CALU: variants seen among roughly 807,000 people sequenced by gnomAD.
The protein encoded by CALU is IEF SSP 9302.
Under a neutral mutation model 37.5 loss-of-function variants are expected in CALU, and 13 were observed. The observed-to-expected ratio is 0.35, with a 90% CI of 0.23 to 0.55. CALU has a LOEUF of 0.55. Ranked by LOEUF, CALU falls within the 20% of genes least tolerant of loss-of-function variation. The pLI is 0.89. For synonymous variants in CALU, 114 were observed against 133.8 expected (o/e 0.85, Z 1.02); for missense variants, 282 against 391.7 (o/e 0.72, Z 2.36).
In CALU at chr7:128,757,358, AGTGTGT is replaced by A. The variant is rs10638444; in HGVS notation, c.416-1484_416-1479del. ...TCCATCTCAACCTATTATGGCTTTG[AGTGTGT>A]GTGTGTGTGTGTGTGTGTGTGTGTG... On this transcript the variant is annotated intron_variant, in intron 3 of 6. Coordinates refer to ENST00000249364, the MANE Select transcript of CALU (RefSeq NM_001219.5). 4.5e-4 allele frequency among the ~76,000 whole-genome samples: 66 copies of A among 146,180 alleles called. No individual in the cohort carries two copies. The South Asian group carries it at 6.0e-3, about 13-fold the overall frequency.
Position 128,772,396 on chromosome 7 carries a change from G to GA in CALU, c.*3234dup, listed in dbSNP as rs1029275642. On this transcript the variant is annotated 3_prime_UTR_variant, in exon 7 of 7. Coordinates refer to ENST00000249364, the MANE Select transcript of CALU (RefSeq NM_001219.5). ...GGCAAGAAGGCAATAGTAAGAAAAT[G>GA]AAAAATTGACTCCCCAAACTGCCAT... 1 of 986,350 alleles carries GA rather than the reference G, an allele frequency of 1.0e-6. No individual in the cohort carries two copies. The highest frequency in any genetic ancestry group is 1.5e-6 in the Non-Finnish European group (1 of 649,574). The allele number at this position is 986,350 out of a possible 1,614,324, so 61.1% of individuals were successfully genotyped here.
rs890052509 is a variant in CALU, at chr7:128,771,260, C to T, written c.*2093C>T. The T allele has an allele frequency of 6.6e-6, 1 of 152,582 alleles. No individual in the cohort carries two copies. The highest frequency in any genetic ancestry group is 1.5e-5 in the Non-Finnish European group (1 of 68,042). 9.5% of individuals were successfully genotyped at this position (152,582 alleles called of 1,614,324 possible). ...ACAGCAGCAAGCATTATACGGTCAT[C>T]TTGAATGATCCCTTTGAAATTTTTT... On this transcript the variant is annotated 3_prime_UTR_variant, in exon 7 of 7. Transcript: ENST00000249364.
intron 1 of CALU, among the ~76,000 whole-genome samples, chr7:128,742,553 G>A (rs1800279227): frequency 1.3e-5 from 2 of 152,130 alleles, no homozygotes; most frequent in South Asian, 2.1e-4. Context: ...GTGACCAATG[G>A]CACTTTACCA....
intron 5 of CALU, among the ~76,000 whole-genome samples, chr7:128,766,811 C>G (rs1366621302): frequency 3.9e-5 from 6 of 152,078 alleles, no homozygotes; most frequent in Non-Finnish European, 1.5e-5. Flanking sequence ...TTTTTACACT[C>G]TAGTTTCAAA....
At chr7:128,754,835 G>A (rs1800811353) in intron 3 of CALU, 4 of 461,774 alleles carry the variant, frequency 8.7e-6, no homozygotes, top group Non-Finnish European at 1.1e-5. Context: ...TCAGTGCTAA[G>A]CTGATTCCCT....
chr7:128,744,502 G>GT lies in CALU; in HGVS notation c.-11-4062dup, dbSNP rs200700858. 8.0e-3 allele frequency among the ~76,000 whole-genome samples: 1,197 copies of GT among 150,426 alleles called. 10 individuals are homozygous for GT. The highest frequency in any genetic ancestry group is 0.031 in the South Asian group (146 of 4,754). ...TATATGTGGGCACAAAGGACGTTTT[G>GT]TTTTTTTTTAAGTAGAACTTCTTTA... On this transcript the variant is annotated intron_variant, in intron 1 of 6. Transcript: ENST00000249364.
At chr7:128,754,641 C>A in intron 3 of CALU, 186 bp downstream of exon 3, 4 of 1,552,034 alleles carry the variant, frequency 2.6e-6, no homozygotes, top group Non-Finnish European at 3.5e-6. Context: ...TGTTGAAAAC[C>A]AATGGCAGGA....
At chr7:128,760,133 G>C (rs1054591102) in intron 5 of CALU, among the ~76,000 whole-genome samples, 1 of 152,204 alleles carries the variant, frequency 6.6e-6, no homozygotes, top group African/African-American at 2.4e-5. Flanking sequence ...AGGAGGCGGA[G>C]GTTGCAGTGA....
Position 128,765,780 on chromosome 7 carries a change from A to G in CALU, c.644-1676A>G, listed in dbSNP as rs186947809. On this transcript the variant is annotated intron_variant, in intron 5 of 6. Transcript: ENST00000249364. ...CCATGGATGACAATTACTTATCCCTAGAGTGAAATGGGATTCAGCACCAAT... is the reference window on the plus strand; with the variant it reads ...CCATGGATGACAATTACTTATCCCTGGAGTGAAATGGGATTCAGCACCAAT... Among the ~76,000 whole-genome samples, 5 of 152,352 alleles carry G rather than the reference A, an allele frequency of 3.3e-5. No individual in the cohort carries two copies. In the East Asian group the frequency reaches 9.6e-4, roughly 29 times the overall value.
At chr7:128,768,847 C>CAAAAAAAAAAAAAAAA (rs1012831963) in intron 6 of CALU, among the ~76,000 whole-genome samples, 1,635 of 54,952 alleles carry the variant, frequency 0.03, 225 homozygotes, top group Non-Finnish European at 0.036. Flanking sequence ...AACTCCGTCT[C>CAAAAAAAAAAAAAAAA]AAAAAAAAAA....
At position 128,748,732 on chromosome 7, in the gene CALU, A is replaced by G. The variant is rs1309474619; in HGVS notation, c.149A>G (p.Asp50Gly). The G allele has an allele frequency of 1.2e-6, 2 of 1,614,124 alleles. No individual in the cohort carries two copies. The highest frequency in any genetic ancestry group is 1.7e-5 in the Admixed American group (1 of 60,008). Residue 50 changes from aspartate to glycine, a missense_variant, in exon 2 of 7, where the codon GAT becomes GGT. Transcript: ENST00000249364. The part of the protein sequence containing the change: ...NDAQSFDYDH[D>G]AFLGAEEAKT... ...GCTCAGAGTTTTGATTATGACCATGATGCCTTCTTGGGTGCTGAAGAAGCA... is the reference window on the plus strand; with the variant it reads ...GCTCAGAGTTTTGATTATGACCATGGTGCCTTCTTGGGTGCTGAAGAAGCA...
intron 5 of CALU, among the ~76,000 whole-genome samples, chr7:128,764,568 A>G (rs1182193484): frequency 6.6e-6 from 1 of 152,262 alleles, no homozygotes. Context: ...GGACACGACA[A>G]CTTTAAAAAG....
At chr7:128,754,978 C>T (rs1462566341) in intron 3 of CALU, among the ~76,000 whole-genome samples, 3 of 151,162 alleles carry the variant, frequency 2.0e-5, no homozygotes, top group Admixed American at 6.6e-5. Context: ...TTATGTCATC[C>T]CTCATAGAGA....
At chr7:128,755,798 A>G (rs1231015157) in intron 3 of CALU, among the ~76,000 whole-genome samples, 1 of 152,234 alleles carries the variant, frequency 6.6e-6, no homozygotes, top group Admixed American at 6.5e-5. Flanking sequence ...CAAGAATTGT[A>G]TTAATATAAA....
At chr7:128,767,739 A>G (rs1801392001) in intron 6 of CALU, 84 bp downstream of exon 6, 1 of 1,154,594 alleles carries the variant, frequency 8.7e-7, no homozygotes, top group South Asian at 1.3e-5. Flanking sequence ...GTTAAGGTGC[A>G]TAGAGCATTT....
chr7:128,759,177 T>C (rs41274152), intron 4 of CALU, 140 bp downstream of exon 4: 191,742 of 563,258 alleles, frequency 0.34, 37,012 homozygotes, highest in Non-Finnish European at 0.41. Context: ...TATATAAGTA[T>C]TGGCCAGATT....
Position 128,770,005 on chromosome 7 carries a change from T to C in CALU, c.*838T>C, listed in dbSNP as rs751679870. On this transcript the variant is annotated 3_prime_UTR_variant, in exon 7 of 7. Transcript: ENST00000249364. ...TTTTCTGGGTGTGCATCTGTTGAAATGCTCAAGACTTAATTATTTGCCTTT... is the reference window on the plus strand; with the variant it reads ...TTTTCTGGGTGTGCATCTGTTGAAACGCTCAAGACTTAATTATTTGCCTTT... 2 of 152,508 alleles carry C rather than the reference T, an allele frequency of 1.3e-5. No homozygotes were observed. Among genetic ancestry groups the C allele is most frequent in the Admixed American group, 1.3e-4 (2 of 15,282 alleles). The allele number at this position is 152,508 out of a possible 1,614,324, so 9.4% of individuals were successfully genotyped here. A position where few individuals can be genotyped will look rare whatever the true frequency, so the allele number is the denominator to read the frequency against.
chr7:128,765,174 CA>C (rs1346965859), intron 5 of CALU, among the ~76,000 whole-genome samples: 15 of 152,270 alleles, frequency 9.9e-5, no homozygotes, highest in African/African-American at 3.6e-4. Context: ...CTTGGCCTCC[CA>C]AAGTGCTGGG....
chr7:128,768,856 A>AAAAAAAAAAAAAAAC (rs1312951703), intron 6 of CALU, among the ~76,000 whole-genome samples: 1 of 149,850 alleles, frequency 6.7e-6, no homozygotes, highest in African/African-American at 2.5e-5. Flanking sequence ...TCAAAAAAAA[A>AAAAAAAAAAAAAAAC]AAAAAAAAAA....
Sources: gnomAD v4.1 joint callset for allele counts (sites outside exome capture counted in the v4.1 genomes callset) on GRCh38, gnomAD v4.1.1 for gene constraint, MANE v1.5 for transcripts, NCBI Gene and HGNC (gene_info 2026-07-23, HGNC 2026-07-21) for gene names.